Variants in TMEM116 observed in about 807,000 individuals in gnomAD.
TMEM116 encodes the protein transmembrane protein 116.
Under a neutral mutation model 44.3 loss-of-function variants are expected in TMEM116, and 38 were observed. That is an observed-to-expected ratio of 0.86 (90% confidence interval 0.66 to 1.12). TMEM116 has a LOEUF of 1.12. Ranked by LOEUF, TMEM116 falls within the 50% of genes most tolerant of loss-of-function variation. TMEM116 has a pLI of 0.00. For synonymous variants in TMEM116, 132 were observed against 144.8 expected (o/e 0.91, Z 0.64); for missense variants, 354 against 401.7 (o/e 0.88, Z 1.01).
intron 4 of TMEM116, among the ~76,000 whole-genome samples, chr12:111,960,760 A>C (rs2074528811): frequency 6.6e-6 from 1 of 152,166 alleles, no homozygotes; most frequent in Non-Finnish European, 1.5e-5. Flanking sequence ...TATCACAATG[A>C]AAAGAACTAG....
At chr12:111,978,068 A>G (rs943430896) in intron 4 of TMEM116, among the ~76,000 whole-genome samples, 1 of 151,744 alleles carries the variant, frequency 6.6e-6, no homozygotes, top group Admixed American at 6.6e-5. Flanking sequence ...ATCTAAATAA[A>G]CCCATAAAAA....
chr12:112,012,175 G>A, intron 1 of TMEM116: 1 of 152,248 alleles, frequency 6.6e-6, no homozygotes, highest in African/African-American at 2.4e-5. Flanking sequence ...CCTCATGCAC[G>A]CCCCCTCTTA....
chr12:111,987,539 G>T (rs779407718), intron 4 of TMEM116, among the ~76,000 whole-genome samples: 1 of 150,478 alleles, frequency 6.6e-6, no homozygotes, highest in Non-Finnish European at 1.5e-5. Context: ...GAAAGGACTT[G>T]AAGAGACATT....
intron 4 of TMEM116, among the ~76,000 whole-genome samples, chr12:111,946,672 G>T (rs571850572): frequency 3.3e-5 from 5 of 152,298 alleles, no homozygotes; most frequent in Admixed American, 1.3e-4. Flanking sequence ...TGGCCAGTTT[G>T]GGATTTGGGG....
rs952303692 is a variant in TMEM116 at position 112,013,123 on chromosome 12, T to G, written c.-155A>C. 16 of 289,964 alleles carry G rather than the reference T, an allele frequency of 5.5e-5. No individual in the cohort carries two copies. In the Middle Eastern group the frequency reaches 4.2e-3, roughly 76 times the overall value. The allele number at this position is 289,964 out of a possible 1,614,324, so 18.0% of individuals were successfully genotyped here. The stretch of plus-strand genomic sequence containing the variant: ...CAAACGAATTGCTATAGCGTCCCCA[T>G]GCGCACTTGGCGCTTCTCCTCAAGC... On this transcript the variant is annotated 5_prime_UTR_variant, in exon 1 of 11. An upstream start codon of the reference 5' UTR is lost. Transcript: ENST00000552374.
At chr12:111,950,574 A>G (rs1459651581) in intron 4 of TMEM116, among the ~76,000 whole-genome samples, 1 of 152,128 alleles carries the variant, frequency 6.6e-6, no homozygotes, top group East Asian at 1.9e-4. Context: ...AAAAACAAGC[A>G]ATGGGGAAAG....
intron 4 of TMEM116, among the ~76,000 whole-genome samples, chr12:111,964,508 A>T (rs2074849899): frequency 6.6e-6 from 1 of 152,084 alleles, no homozygotes; most frequent in Non-Finnish European, 1.5e-5. Context: ...ATAAGGAAAC[A>T]CCAAAGTGAC....
At position 111,933,962 on chromosome 12, in the gene TMEM116, T is replaced by A. The variant is rs772421141; in HGVS notation, c.657A>T (p.Glu219Asp). 6.2e-7 allele frequency: 1 copy of A among 1,614,160 alleles called. No homozygotes were observed. Among genetic ancestry groups the A allele is most frequent in the Non-Finnish European group, 8.5e-7 (1 of 1,180,030 alleles). Reference sequence around the variant, plus strand: ...CCACAATGTGAATCACTGCCCACTGTTCACTCCCCAGAAAGCCAGTTGACT... The same window carrying A: ...CCACAATGTGAATCACTGCCCACTGATCACTCCCCAGAAAGCCAGTTGACT... ...FVKSTGFLGS[E>D]QWAVIHIVDQ... The change falls in exon 9 of 11, where the codon GAA (glutamate) becomes GAT (aspartate). Residue 219 changes from glutamate (E) to aspartate (D), a missense_variant. Coordinates refer to ENST00000552374, the MANE Select transcript of TMEM116 (RefSeq NM_001193531.2).
chr12:111,988,894 A>G (rs2076386679), intron 4 of TMEM116, among the ~76,000 whole-genome samples: 1 of 151,988 alleles, frequency 6.6e-6, no homozygotes, highest in South Asian at 2.1e-4. Context: ...CGGGAGGCTG[A>G]GGCAGGAGAA....
At position 111,999,004 on chromosome 12, in the gene TMEM116, AT is replaced by A. The variant is rs2077083184; in HGVS notation, c.78+4795del. On this transcript the variant is annotated intron_variant, in intron 3 of 10. Transcript: ENST00000552374. ...TACAACAAAAATTAACTGAGTACCT[AT>A]TATTGAAATCAAGAAAAATTCTACC... is the stretch of plus-strand genomic sequence containing the variant. Among the ~76,000 whole-genome samples, 5 of 152,324 alleles carry A rather than the reference AT, an allele frequency of 3.3e-5. No homozygotes were observed. In the South Asian group the frequency reaches 1.0e-3, roughly 32 times the overall value.
chr12:112,000,751 A>T, intron 3 of TMEM116: 1 of 538,138 alleles, frequency 1.9e-6, no homozygotes, highest in Non-Finnish European at 3.8e-6. Context: ...CCAAATAATA[A>T]AAGTAACACA....
chr12:111,957,419 C>T (rs1296146895), intron 4 of TMEM116, among the ~76,000 whole-genome samples: 2 of 150,682 alleles, frequency 1.3e-5, no homozygotes, highest in Non-Finnish European at 3.0e-5. Context: ...AAGTGGGGAG[C>T]CCCTCCGCCC....
chr12:111,990,810 GTTTA>G, intron 4 of TMEM116, among the ~76,000 whole-genome samples: 1 of 152,136 alleles, frequency 6.6e-6, no homozygotes, highest in Admixed American at 6.5e-5. Flanking sequence ...AAAATCCAGT[GTTTA>G]TTTTACTCCT....
chr12:111,987,782 A>T (rs898301822), intron 4 of TMEM116, among the ~76,000 whole-genome samples: 1 of 152,204 alleles, frequency 6.6e-6, no homozygotes, highest in Non-Finnish European at 1.5e-5. Flanking sequence ...CAAAAAATCA[A>T]ACACAGAATT....
At chr12:111,957,089 AT>A (rs1286156561) in intron 4 of TMEM116, among the ~76,000 whole-genome samples, 3 of 143,306 alleles carry the variant, frequency 2.1e-5, no homozygotes, top group Non-Finnish European at 4.6e-5. Flanking sequence ...CTGGCCACCC[AT>A]CGTCTGGGAT....
At chr12:111,976,045 G>T (rs2075650185) in intron 4 of TMEM116, among the ~76,000 whole-genome samples, 1 of 151,986 alleles carries the variant, frequency 6.6e-6, no homozygotes, top group Non-Finnish European at 1.5e-5. Context: ...CTGTCACCTA[G>T]GCTGGAGTGC....
chr12:111,956,992 G>C lies in TMEM116; in HGVS notation c.211-13623C>G, dbSNP rs1372229480. The stretch of plus-strand genomic sequence containing the variant: ...CCGCCCATCGTCTGTGATGTGAGGA[G>C]CCCCTCTGCCTGGCCGCCCAGTCCG... On this transcript the variant is annotated intron_variant, in intron 4 of 10. Transcript: ENST00000552374. Among the ~76,000 whole-genome samples, 11 of 151,456 alleles carry C rather than the reference G, an allele frequency of 7.3e-5. 1 individual carries two copies. The highest frequency in any genetic ancestry group is 7.2e-4 in the Admixed American group (11 of 15,224).
At chr12:111,983,747 A>C (rs1188908158) in intron 4 of TMEM116, among the ~76,000 whole-genome samples, 2 of 152,186 alleles carry the variant, frequency 1.3e-5, no homozygotes, top group African/African-American at 2.4e-5. Context: ...TCTATCAAAC[A>C]CTTAGAGAAT....
chr12:111,957,042 G>C (rs953336700), intron 4 of TMEM116, among the ~76,000 whole-genome samples: 4 of 151,666 alleles, frequency 2.6e-5, no homozygotes, highest in African/African-American at 9.7e-5. Context: ...CCTCTTCCCG[G>C]CCACCACCCC....
Sources: gnomAD v4.1 joint callset for allele counts (sites outside exome capture counted in the v4.1 genomes callset) on GRCh38, gnomAD v4.1.1 for gene constraint, MANE v1.5 for transcripts, NCBI Gene and HGNC (gene_info 2026-07-23, HGNC 2026-07-21) for gene names.